Variants in EFNA5 observed in about 807,000 individuals in gnomAD.
The protein encoded by EFNA5 is ephrin A5.
In EFNA5, 5 loss-of-function variants were observed where a neutral mutation model predicts 22.9. The observed-to-expected ratio is 0.22, with a 90% CI of 0.11 to 0.46. The LOEUF is 0.46. Among genes scored for constraint, EFNA5 ranks in the 20% least tolerant of loss-of-function variants. The pLI is 0.99. For missense variants in EFNA5, 237 were observed against 293.3 expected (o/e 0.81, Z 1.40); for synonymous variants, 113 against 112.2 (o/e 1.01, Z -0.04).
At chr5:107,452,340 GAAA>G in intron 1 of EFNA5, among the ~76,000 whole-genome samples, 1 of 150,016 alleles carries the variant, frequency 6.7e-6, no homozygotes, top group Middle Eastern at 3.4e-3. Context: ...TTTTCTTTTA[GAAA>G]AAAAAAGTCA....
chr5:107,509,287 C>T (rs1459245200), intron 1 of EFNA5, among the ~76,000 whole-genome samples: 1 of 151,618 alleles, frequency 6.6e-6, no homozygotes, highest in Non-Finnish European at 1.5e-5. Context: ...CACAAAAGAG[C>T]AAAAGTGAGT....
chr5:107,512,799 G>A (rs1186806359), intron 1 of EFNA5, among the ~76,000 whole-genome samples: 1 of 151,930 alleles, frequency 6.6e-6, no homozygotes, highest in African/African-American at 2.4e-5. Context: ...AGTTCATTGT[G>A]CACTACCTCA....
intron 1 of EFNA5, among the ~76,000 whole-genome samples, chr5:107,554,533 A>G (rs909022528): frequency 5.3e-5 from 8 of 152,220 alleles, no homozygotes; most frequent in African/African-American, 1.9e-4. Context: ...AGGTTTCTCT[A>G]TTTATCCTCA....
intron 1 of EFNA5, among the ~76,000 whole-genome samples, chr5:107,535,972 C>T (rs547148794): frequency 8.5e-5 from 13 of 152,302 alleles, no homozygotes; most frequent in African/African-American, 2.9e-4. Flanking sequence ...ACAGTGCACC[C>T]TCTCTTCCCT....
At chr5:107,505,606 T>A (rs1321946877) in intron 1 of EFNA5, among the ~76,000 whole-genome samples, 3 of 152,184 alleles carry the variant, frequency 2.0e-5, no homozygotes, top group African/African-American at 7.2e-5. Context: ...CTAAGAGATA[T>A]CATTAGAAAA....
intron 1 of EFNA5, among the ~76,000 whole-genome samples, chr5:107,632,078 C>T (rs1394647649): frequency 1.3e-5 from 2 of 152,196 alleles, no homozygotes; most frequent in East Asian, 3.8e-4. Context: ...ATGGCAGGCA[C>T]CAGCATTTTA....
chr5:107,570,212 A>G (rs1339398660), intron 1 of EFNA5, among the ~76,000 whole-genome samples: 2 of 152,232 alleles, frequency 1.3e-5, no homozygotes, highest in African/African-American at 2.4e-5. Flanking sequence ...CCGTAATTAC[A>G]TAGAGAACCA....
At chr5:107,566,501 A>T (rs1748669867) in intron 1 of EFNA5, among the ~76,000 whole-genome samples, 1 of 152,248 alleles carries the variant, frequency 6.6e-6, no homozygotes, top group Non-Finnish European at 1.5e-5. Context: ...TGCTTAAAAA[A>T]TAAAACACAA....
intron 1 of EFNA5, among the ~76,000 whole-genome samples, chr5:107,632,629 C>G (rs1315094907): frequency 6.6e-6 from 1 of 152,148 alleles, no homozygotes; most frequent in Non-Finnish European, 1.5e-5. Flanking sequence ...ACCAAGTGCT[C>G]CACAACCTGT....
rs531780781 is a variant in EFNA5, at chr5:107,498,196, G to A, written c.126-70687C>T. On this transcript the variant is annotated intron_variant, in intron 1 of 4. Coordinates refer to ENST00000333274, the MANE Select transcript of EFNA5 (RefSeq NM_001962.3). ...CTCCCAAAGTGCTGGGATTACAGGC[G>A]TGAGCCAACAAGCCCGGCCTACAAT... Among the ~76,000 whole-genome samples the A allele has an allele frequency of 1.5e-4, 23 of 152,342 alleles. No homozygotes were observed. The East Asian group carries it at 3.3e-3, about 22-fold the overall frequency.
intron 1 of EFNA5, among the ~76,000 whole-genome samples, chr5:107,617,265 G>T (rs924859364): frequency 3.3e-5 from 5 of 151,132 alleles, no homozygotes; most frequent in Non-Finnish European, 7.4e-5. Flanking sequence ...GAGAAAGAGA[G>T]AGAGAGAGAA....
chr5:107,560,819 G>C (rs368160958), intron 1 of EFNA5, among the ~76,000 whole-genome samples: 11 of 152,316 alleles, frequency 7.2e-5, no homozygotes, highest in African/African-American at 2.6e-4. Context: ...ATGGAGTGAG[G>C]CTCCCTGAGA....
At chr5:107,547,525 T>TC (rs200953777) in intron 1 of EFNA5, among the ~76,000 whole-genome samples, 6 of 145,602 alleles carry the variant, frequency 4.1e-5, no homozygotes, top group African/African-American at 1.6e-4. Context: ...ACACTGATGT[T>TC]CCAAAAAAAA....
intron 1 of EFNA5, among the ~76,000 whole-genome samples, chr5:107,524,143 G>T (rs1297417281): frequency 6.6e-6 from 1 of 152,166 alleles, no homozygotes; most frequent in Non-Finnish European, 1.5e-5. Flanking sequence ...AATCTTTACC[G>T]TAGATGAAGT....
At position 107,463,009 on chromosome 5, in the gene EFNA5, T is replaced by C. The variant is rs187880519; in HGVS notation, c.126-35500A>G. Among the ~76,000 whole-genome samples the C allele has an allele frequency of 1.8e-3, 278 of 152,244 alleles. 2 individuals carry two copies. Among genetic ancestry groups the C allele is most frequent in the African/African-American group, 6.5e-3 (269 of 41,556 alleles). Reference sequence around the variant, plus strand: ...CACTGGCGTCCATCCTGATGCTGAATATGTCATATACTCTCCAGGGTTCAG... The same window carrying C: ...CACTGGCGTCCATCCTGATGCTGAACATGTCATATACTCTCCAGGGTTCAG... On this transcript the variant is annotated intron_variant, in intron 1 of 4. Coordinates refer to ENST00000333274, the MANE Select transcript of EFNA5 (RefSeq NM_001962.3).
intron 1 of EFNA5, among the ~76,000 whole-genome samples, chr5:107,594,194 A>T (rs1749429813): frequency 6.6e-6 from 1 of 152,204 alleles, no homozygotes; most frequent in Non-Finnish European, 1.5e-5. Flanking sequence ...AAAAATTGTG[A>T]GGCTCTTTTA....
At chr5:107,412,536 G>A (rs1164861530) in intron 2 of EFNA5, among the ~76,000 whole-genome samples, 2 of 152,054 alleles carry the variant, frequency 1.3e-5, no homozygotes, top group African/African-American at 4.8e-5. Flanking sequence ...TTAGACTACA[G>A]CTGAGTTTTT....
chr5:107,499,053 C>T (rs994243766), intron 1 of EFNA5, among the ~76,000 whole-genome samples: 2 of 152,094 alleles, frequency 1.3e-5, no homozygotes, highest in African/African-American at 4.8e-5. Context: ...GAAACAGACA[C>T]CTGCTTTGCT....
At chr5:107,480,694 G>T (rs1750434508) in intron 1 of EFNA5, among the ~76,000 whole-genome samples, 1 of 152,174 alleles carries the variant, frequency 6.6e-6, no homozygotes, top group South Asian at 2.1e-4. Context: ...CTCTCCATGA[G>T]CAGGGCTGGG....
Sources: gnomAD v4.1 joint callset for allele counts (sites outside exome capture counted in the v4.1 genomes callset) on GRCh38, gnomAD v4.1.1 for gene constraint, MANE v1.5 for transcripts, NCBI Gene and HGNC (gene_info 2026-07-23, HGNC 2026-07-21) for gene names.